SLC22A14: variants seen among roughly 807,000 people sequenced by gnomAD.
SLC22A14 encodes organic cation transporter-like 4.
SLC22A14 carries 50 observed loss-of-function variants against 53.9 expected under a neutral mutation model. That is an observed-to-expected ratio of 0.93 (90% CI 0.74 to 1.17). SLC22A14 has a LOEUF of 1.17. Ranked by LOEUF, SLC22A14 falls within the 50% of genes most tolerant of loss-of-function variation. SLC22A14 has a pLI of 0.00. For missense variants in SLC22A14, 671 were observed against 734.7 expected (o/e 0.91, Z 1.00); for synonymous variants, 312 against 303.0 (o/e 1.03, Z -0.31).
chr3:38,305,844 G>T, intron 1 of SLC22A14, 183 bp from the exon 2 acceptor site: 1 of 633,278 alleles, frequency 1.6e-6, no homozygotes, highest in Non-Finnish European at 2.8e-6. Flanking sequence ...AGGATGGTTG[G>T]GCCAGGGGGG....
intron 9 of SLC22A14, 65 bp downstream of exon 9, chr3:38,315,776 A>G: frequency 1.3e-6 from 2 of 1,494,300 alleles, no homozygotes; most frequent in Non-Finnish European, 1.8e-6. Flanking sequence ...GACAAGATTA[A>G]TGCAGCAACT....
At chr3:38,288,485 T>C (rs1169014262) in intron 1 of SLC22A14, among the ~76,000 whole-genome samples, 1 of 152,238 alleles carries the variant, frequency 6.6e-6, no homozygotes, top group Admixed American at 6.5e-5. Context: ...CTCCTATTTT[T>C]AATTTTTTTA....
At chr3:38,301,785 A>G (rs961182809) in intron 1 of SLC22A14, among the ~76,000 whole-genome samples, 1 of 150,702 alleles carries the variant, frequency 6.6e-6, no homozygotes, top group Non-Finnish European at 1.5e-5. Flanking sequence ...TTTCGTTATT[A>G]AATTTTTTCA....
chr3:38,308,952 A>C lies in SLC22A14; in HGVS notation c.776-2A>C. On this transcript the variant is annotated splice_acceptor_variant, in intron 4 of 10. Transcript: ENST00000448498. LOFTEE classifies it high-confidence loss of function. ...GGTTTTGTCCTCTTGGCCTCTGCAC[A>C]GCCACTGAGTGGTTAGTGGGTGAGC... 1 of 1,613,782 alleles carries C rather than the reference A, an allele frequency of 6.2e-7. No homozygotes were observed. Among genetic ancestry groups the C allele is most frequent in the Non-Finnish European group, 8.5e-7 (1 of 1,179,756 alleles).
In SLC22A14 at chr3:38,306,388, C is replaced by T. The variant is rs763123196; in HGVS notation, c.362C>T (p.Pro121Leu). The T allele has an allele frequency of 3.1e-6, 5 of 1,614,046 alleles. No individual in the cohort carries two copies. The African/African-American group carries it at 6.7e-5, about 22-fold the overall frequency. ...SKAEQLNLTI[P>L]QAPNGSFLTC... ...GCTGAGCAGCTGAATCTGACCATAC[C>T]CCAAGCACCCAATGGCAGTTTCCTG... Residue 121 changes from proline (P) to leucine (L), a missense_variant, in exon 2 of 11, where the codon CCC (proline) becomes CTC (leucine). Physicochemically the swap from Pro to Leu is moderately conservative, Grantham distance 98. Transcript: ENST00000448498.
rs1398557622 is a variant in SLC22A14 at position 38,308,038 on chromosome 3, A to G, written c.775+318A>G. 5 of 392,772 alleles carry G rather than the reference A, an allele frequency of 1.3e-5. No individual in the cohort carries two copies. In the South Asian group the frequency reaches 1.3e-4, roughly 10 times the overall value. The allele number at this position is 392,772 out of a possible 1,614,324, so 24.3% of individuals were successfully genotyped here. On this transcript the variant is annotated intron_variant, in intron 4 of 10. Transcript: ENST00000448498. ...CTCCTTCCTAACTCCCTCATACACC[A>G]CACCTTCCACCGCATACTCTTTGCA...
chr3:38,316,252 A>G (rs1704613751), intron 9 of SLC22A14, 72 bp from the exon 10 acceptor site: 2 of 1,352,776 alleles, frequency 1.5e-6, no homozygotes. Flanking sequence ...GTGGGTTTTC[A>G]TGTAGCTGCT....
At chr3:38,280,309 C>A (rs1415433843), upstream of SLC22A14, among the ~76,000 whole-genome samples, 1 of 152,192 alleles carries the variant, frequency 6.6e-6, no homozygotes, top group African/African-American at 2.4e-5. Context: ...CCTATAATTA[C>A]AAGCTTTTCT....
At chr3:38,315,167 G>A (rs749670915) in intron 8 of SLC22A14, among the ~76,000 whole-genome samples, 12 of 152,390 alleles carry the variant, frequency 7.9e-5, no homozygotes, top group African/African-American at 2.4e-4. Flanking sequence ...GCAGAGCCCC[G>A]GTGGTACAGC....
chr3:38,302,493 C>G (rs1704192453), intron 1 of SLC22A14, among the ~76,000 whole-genome samples: 1 of 151,448 alleles, frequency 6.6e-6, no homozygotes, highest in African/African-American at 2.4e-5. Flanking sequence ...CTCGTCTCTA[C>G]AAAAAATATA....
At position 38,316,405 on chromosome 3, in the gene SLC22A14, C is replaced by T. The variant is rs1704620435; in HGVS notation, c.1614C>T (p.Ser538=). 2 of 1,614,100 alleles carry T rather than the reference C, an allele frequency of 1.2e-6. No individual in the cohort carries two copies. Among genetic ancestry groups the T allele is most frequent in the Admixed American group, 1.7e-5 (1 of 60,008 alleles). ...LSLTIISQTP[S]LLPIFLCCVL... Reference sequence around the variant, plus strand: ...TGACAATCATCAGCCAGACCCCCTCCCTCCTGCCCATCTTTCTCTGCTGCG... The same window carrying T: ...TGACAATCATCAGCCAGACCCCCTCTCTCCTGCCCATCTTTCTCTGCTGCG... Residue 538 remains serine, a synonymous_variant, in exon 10 of 11, where the codon TCC becomes TCT. Coordinates refer to ENST00000448498, the MANE Select transcript of SLC22A14 (RefSeq NM_001320033.2).
chr3:38,313,957 C>T lies in SLC22A14; in HGVS notation c.1378+16C>T. 6.2e-7 allele frequency: 1 copy of T among 1,605,426 alleles called. No homozygotes were observed. Among genetic ancestry groups the T allele is most frequent in the Non-Finnish European group, 8.5e-7 (1 of 1,173,240 alleles). Reference sequence around the variant, plus strand: ...CTCCCTGAAGGTACAGCTCATCCTTCCCCTGTGGCCTGCCCACAGCCTTCC... The same window carrying T: ...CTCCCTGAAGGTACAGCTCATCCTTTCCCTGTGGCCTGCCCACAGCCTTCC... On this transcript the variant is annotated intron_variant, in intron 8 of 10. Coordinates refer to ENST00000448498, the MANE Select transcript of SLC22A14 (RefSeq NM_001320033.2).
At chr3:38,289,705 C>T (rs935868794) in intron 1 of SLC22A14, among the ~76,000 whole-genome samples, 1 of 152,192 alleles carries the variant, frequency 6.6e-6, no homozygotes, top group Non-Finnish European at 1.5e-5. Context: ...TGGCAATGGG[C>T]GCCTCACTGG....
intron 1 of SLC22A14, among the ~76,000 whole-genome samples, chr3:38,292,766 T>C (rs1336769676): frequency 2.0e-5 from 3 of 152,140 alleles, no homozygotes; most frequent in Admixed American, 6.5e-5. Flanking sequence ...GGGTGTTCCT[T>C]CTCCTATGTT....
intron 1 of SLC22A14, among the ~76,000 whole-genome samples, chr3:38,283,595 C>T (rs554828907): frequency 1.3e-5 from 2 of 152,090 alleles, no homozygotes; most frequent in African/African-American, 2.4e-5. Context: ...TTTGGGAGGC[C>T]GAGGCGGGAA....
In SLC22A14 at chr3:38,300,439, C is replaced by CA. The variant is rs539149719; in HGVS notation, c.1-5579dup. 2.4e-3 allele frequency among the ~76,000 whole-genome samples: 357 copies of CA among 150,008 alleles called. 2 individuals are homozygous for CA. The highest frequency in any genetic ancestry group is 4.1e-3 in the Non-Finnish European group (276 of 67,368). Reference sequence around the variant, plus strand: ...TGGGGGACACAGTGAGACTTCATCTCAAAAAAAAATGTTATTATACACACT... The same window carrying CA: ...TGGGGGACACAGTGAGACTTCATCTCAAAAAAAAAATGTTATTATACACACT... On this transcript the variant is annotated intron_variant, in intron 1 of 10. Transcript: ENST00000448498.
rs751733052 is a variant in SLC22A14 at position 38,313,459 on chromosome 3, G to A, written c.1137G>A (p.Lys379=). 15 of 1,612,918 alleles carry A rather than the reference G, an allele frequency of 9.3e-6. No homozygotes were observed. The South Asian group carries it at 1.1e-4, about 12-fold the overall frequency. Residue 379 remains lysine, a synonymous_variant, in exon 7 of 11, where the codon AAG becomes AAA. Coordinates refer to ENST00000448498, the MANE Select transcript of SLC22A14 (RefSeq NM_001320033.2). ...TCTGTAAGAATAGGCAGCTCTGCAA[G>A]GTGACCTTGGTGATGAGCTGTGTGT... ...LDFCKNRQLC[K]VTLVMSCVWF...
intron 1 of SLC22A14, among the ~76,000 whole-genome samples, chr3:38,299,822 A>C (rs1175236050): frequency 6.6e-6 from 1 of 152,134 alleles, no homozygotes; most frequent in African/African-American, 2.4e-5. Flanking sequence ...TCAGCTTCCC[A>C]AAGTGCTGGG....
rs376173833 is a variant in SLC22A14 at position 38,307,406 on chromosome 3, C to G, written c.620+49C>G. On this transcript the variant is annotated intron_variant, in intron 3 of 10. Coordinates refer to ENST00000448498, the MANE Select transcript of SLC22A14 (RefSeq NM_001320033.2). This position sits in a 1 kb window ranked among gnomAD's most constrained non-coding sequence, Gnocchi z 4.4. Reference sequence around the variant, plus strand: ...GGTCCCCGAGCCATCCCAACTCCTCCTCATGGGCATTCAGGGTTGGAGTGT... The same window carrying G: ...GGTCCCCGAGCCATCCCAACTCCTCGTCATGGGCATTCAGGGTTGGAGTGT... The G allele has an allele frequency of 7.2e-6, 11 of 1,537,530 alleles. No homozygotes were observed. The African/African-American group carries it at 1.5e-4, about 21-fold the overall frequency.
Sources: gnomAD v4.1 joint callset for allele counts (sites outside exome capture counted in the v4.1 genomes callset) on GRCh38, gnomAD v4.1.1 for gene constraint, Gnocchi (gnomAD v3.1) non-coding constraint, MANE v1.5 for transcripts, NCBI Gene and HGNC (gene_info 2026-07-23, HGNC 2026-07-21) for gene names.